AGAP1: variants seen among roughly 807,000 people sequenced by gnomAD.
AGAP1 encodes the protein arf-GAP with GTPase, ANK repeat and PH domain-containing protein 1.
Under a neutral mutation model 105.3 loss-of-function variants are expected in AGAP1, and 29 were observed. The observed-to-expected ratio is 0.28, with a 90% CI of 0.21 to 0.38. The LOEUF (loss-of-function observed/expected upper bound fraction) is 0.38, where lower values mean the gene tolerates loss of function less well. Ranked by LOEUF, AGAP1 falls within the 10% of genes least tolerant of loss-of-function variation. AGAP1 has a pLI of 1.00. For synonymous variants in AGAP1, 509 were observed against 485.9 expected (o/e 1.05, Z -0.63); for missense variants, 998 against 1,165.1 (o/e 0.86, Z 2.09).
chr2:236,032,134 C>T (rs545536209), intron 13 of AGAP1, among the ~76,000 whole-genome samples: 2 of 152,174 alleles, frequency 1.3e-5, no homozygotes, highest in African/African-American at 4.8e-5. Flanking sequence ...GGGATAAAAC[C>T]CTAGTTTATC....
chr2:235,503,178 T>A (rs1322270038), intron 1 of AGAP1, among the ~76,000 whole-genome samples: 1 of 152,182 alleles, frequency 6.6e-6, no homozygotes, highest in Non-Finnish European at 1.5e-5. Flanking sequence ...CTGGCTAGCT[T>A]ATGTAATGAA....
chr2:235,690,001 C>T lies in AGAP1; in HGVS notation c.164-19178C>T, dbSNP rs1257612548. On this transcript the variant is annotated intron_variant, in intron 1 of 17. Coordinates refer to ENST00000304032, the MANE Select transcript of AGAP1 (RefSeq NM_001037131.3). The surrounding 1 kb of genome is among the most constrained non-coding windows in gnomAD (Gnocchi z 4.1). Reference sequence around the variant, plus strand: ...GGTAAATAGATCGCGTTGTTGCATGCGTTTGATGAAAGTGATATCACAGCA... The same window carrying T: ...GGTAAATAGATCGCGTTGTTGCATGTGTTTGATGAAAGTGATATCACAGCA... Among the ~76,000 whole-genome samples, 4 of 152,048 alleles carry T rather than the reference C, an allele frequency of 2.6e-5. No homozygotes were observed. The highest frequency in any genetic ancestry group is 2.4e-5 in the African/African-American group (1 of 41,376).
chr2:236,008,723 C>G (rs1184387226), intron 13 of AGAP1, among the ~76,000 whole-genome samples: 2 of 152,200 alleles, frequency 1.3e-5, no homozygotes, highest in African/African-American at 4.8e-5. Flanking sequence ...TACGTTAGCC[C>G]ACTATGTAGA....
intron 6 of AGAP1, among the ~76,000 whole-genome samples, chr2:235,764,013 G>A: frequency 6.6e-6 from 1 of 152,184 alleles, no homozygotes; most frequent in Admixed American, 6.5e-5. Context: ...GTGCGTGGCT[G>A]TGACCCGTGC....
At chr2:236,116,649 A>AT (rs1434798670) in intron 16 of AGAP1, among the ~76,000 whole-genome samples, 1 of 152,106 alleles carries the variant, frequency 6.6e-6, no homozygotes, top group Admixed American at 6.5e-5. Context: ...ACGGCCAGCC[A>AT]TGAGTAAATT....
At chr2:235,826,685 G>A (rs764404955) in intron 9 of AGAP1, among the ~76,000 whole-genome samples, 2 of 152,060 alleles carry the variant, frequency 1.3e-5, no homozygotes, top group South Asian at 2.1e-4. Context: ...CCTACCACCC[G>A]CCTCAGCCTC....
intron 6 of AGAP1, among the ~76,000 whole-genome samples, chr2:235,756,430 G>A (rs1285876592): frequency 6.6e-6 from 1 of 152,186 alleles, no homozygotes; most frequent in Non-Finnish European, 1.5e-5. Flanking sequence ...GATTCCTAAA[G>A]AAAGAGGGGT....
intron 13 of AGAP1, among the ~76,000 whole-genome samples, chr2:236,031,441 G>A (rs970843008): frequency 2.6e-5 from 4 of 152,202 alleles, no homozygotes; most frequent in Non-Finnish European, 5.9e-5. Context: ...GGAGCCTGGA[G>A]CCAGCCTTGG....
intron 1 of AGAP1, among the ~76,000 whole-genome samples, chr2:235,592,838 C>T (rs1251651049): frequency 2.0e-5 from 3 of 152,120 alleles, no homozygotes; most frequent in African/African-American, 4.8e-5. Context: ...GAGAGCACCC[C>T]TTGGGAAATG....
chr2:235,980,718 A>G (rs752765784), intron 13 of AGAP1, among the ~76,000 whole-genome samples: 1 of 152,168 alleles, frequency 6.6e-6, no homozygotes, highest in African/African-American at 2.4e-5. Flanking sequence ...AATTCTTCCT[A>G]CTGTTGAGTG....
chr2:235,849,694 C>T (rs1961941766), intron 9 of AGAP1, among the ~76,000 whole-genome samples: 2 of 152,214 alleles, frequency 1.3e-5, no homozygotes, highest in Admixed American at 6.5e-5. Flanking sequence ...TGTCCAGCCT[C>T]ACCCAGCCCC....
intron 9 of AGAP1, among the ~76,000 whole-genome samples, chr2:235,854,006 C>T (rs971938299): frequency 4.6e-5 from 7 of 151,794 alleles, no homozygotes; most frequent in African/African-American, 1.5e-4. Context: ...TAAATATGTC[C>T]GTTCCAGGCT....
rs1051300027 is a variant in AGAP1 at position 235,960,021 on chromosome 2, G to A, written c.1484-8441G>A. On this transcript the variant is annotated intron_variant, in intron 12 of 17. Transcript: ENST00000304032. The surrounding 1 kb of genome is among the most constrained non-coding windows in gnomAD (Gnocchi z 4.9). ...CTATGGAGTGTTGGAGCATTGCCGT[G>A]GCAGGAGAACGCAGTGGGCAGAGAC... Among the ~76,000 whole-genome samples, 1 of 152,182 alleles carries A rather than the reference G, an allele frequency of 6.6e-6. No homozygotes were observed. Among genetic ancestry groups the A allele is most frequent in the African/African-American group, 2.4e-5 (1 of 41,440 alleles).
intron 11 of AGAP1, among the ~76,000 whole-genome samples, chr2:235,914,357 G>A (rs183427334): frequency 6.6e-6 from 1 of 152,112 alleles, no homozygotes; most frequent in Non-Finnish European, 1.5e-5. Flanking sequence ...ATATTGGGGT[G>A]GGGGGAGGAC....
Position 236,095,599 on chromosome 2 carries a change from A to G in AGAP1, c.2115-24593A>G, listed in dbSNP as rs2059172902. Among the ~76,000 whole-genome samples, 1 of 152,250 alleles carries G rather than the reference A, an allele frequency of 6.6e-6. No homozygotes were observed. The highest frequency in any genetic ancestry group is 1.5e-5 in the Non-Finnish European group (1 of 68,046). On this transcript the variant is annotated intron_variant, in intron 16 of 17. Coordinates refer to ENST00000304032, the MANE Select transcript of AGAP1 (RefSeq NM_001037131.3). This position sits in a 1 kb window ranked among gnomAD's most constrained non-coding sequence, Gnocchi z 4.1. ...AGGGAAAATCTAACAGGAAATTCTCATGTTGGTAGATATTGACATAGGCAG... is the reference window on the plus strand; with the variant it reads ...AGGGAAAATCTAACAGGAAATTCTCGTGTTGGTAGATATTGACATAGGCAG...
chr2:235,563,251 TC>T (rs1944225020), intron 1 of AGAP1, among the ~76,000 whole-genome samples: 1 of 151,996 alleles, frequency 6.6e-6, no homozygotes. Context: ...CCACTCGGCG[TC>T]CCCAGCACTT....
In AGAP1 at chr2:235,596,027, G is replaced by A. The variant is rs1945515378; in HGVS notation, c.163+101178G>A. Among the ~76,000 whole-genome samples the A allele has an allele frequency of 6.6e-6, 1 of 152,176 alleles. No homozygotes were observed. Among genetic ancestry groups the A allele is most frequent in the African/African-American group, 2.4e-5 (1 of 41,440 alleles). On this transcript the variant is annotated intron_variant, in intron 1 of 17. Coordinates refer to ENST00000304032, the MANE Select transcript of AGAP1 (RefSeq NM_001037131.3). The surrounding 1 kb of genome is among the most constrained non-coding windows in gnomAD (Gnocchi z 5.9). ...TCTGATGTTATGAAGCTATGCTCCT[G>A]GAAGTGGTTGTGAAAATCGCAGCCC...
At chr2:235,899,289 G>T (rs1025002580) in intron 10 of AGAP1, among the ~76,000 whole-genome samples, 4 of 152,110 alleles carry the variant, frequency 2.6e-5, no homozygotes, top group Non-Finnish European at 5.9e-5. Flanking sequence ...GAGGCAGGCG[G>T]ATCACTTGAG....
rs545998288 is a variant in AGAP1, at chr2:235,901,296, G to A, written c.1156-7442G>A. ...CTCTTACATACTTTTTTTTTTTTGA[G>A]CCCAGAAGTGAGGCTTTTTAAAAAT... On this transcript the variant is annotated intron_variant, in intron 10 of 17. Transcript: ENST00000304032. This position sits in a 1 kb window ranked among gnomAD's most constrained non-coding sequence, Gnocchi z 4.3. Among the ~76,000 whole-genome samples the A allele has an allele frequency of 6.7e-6, 1 of 150,310 alleles. No individual in the cohort carries two copies. Among genetic ancestry groups the A allele is most frequent in the South Asian group, 2.1e-4 (1 of 4,762 alleles).
Sources: allele counts gnomAD v4.1 joint callset (sites outside exome capture counted in the v4.1 genomes callset), GRCh38; gene constraint gnomAD v4.1.1; non-coding constraint Gnocchi (gnomAD v3.1); transcripts MANE v1.5; gene names NCBI Gene and HGNC (gene_info 2026-07-23, HGNC 2026-07-21).